The following DHX40 variants were observed in gnomAD, a reference collection of about 807,000 sequenced individuals.
DHX40 encodes probable ATP-dependent RNA helicase DHX40.
Under a neutral mutation model 89.6 loss-of-function variants are expected in DHX40, and 28 were observed. The ratio of observed to expected loss-of-function variants is 0.31; its 90% CI spans 0.23 to 0.43. The LOEUF (loss-of-function observed/expected upper bound fraction) is 0.43. Ranked by LOEUF, DHX40 falls within the 20% of genes least tolerant of loss-of-function variation. DHX40 has a pLI of 1.00. For missense variants in DHX40, 457 were observed against 844.0 expected, an observed-to-expected ratio of 0.54 and a Z score of 5.68; for synonymous variants, 226 against 283.6, an observed-to-expected ratio of 0.80 and a Z score of 2.04.
chr17:59,570,165 A>G (rs1346626813), intron 2 of DHX40, among the ~76,000 whole-genome samples: 1 of 126,150 alleles, frequency 7.9e-6, no homozygotes, highest in Non-Finnish European at 1.6e-5. Context: ...TACATATAAT[A>G]TGTTATATAT....
intron 12 of DHX40, among the ~76,000 whole-genome samples, chr17:59,595,930 C>G (rs535323231): frequency 4.0e-5 from 6 of 151,372 alleles, no homozygotes; most frequent in Admixed American, 2.0e-4. Context: ...TTCTCTTCCT[C>G]GGGGAATTGG....
chr17:59,583,376 ATATCT>A (rs2048961739), intron 10 of DHX40, among the ~76,000 whole-genome samples: 1 of 48,114 alleles, frequency 2.1e-5, no homozygotes, highest in African/African-American at 4.2e-5. Flanking sequence ...TTTCTGGAAA[ATATCT>A]TAATATCTAA....
intron 3 of DHX40, among the ~76,000 whole-genome samples, chr17:59,571,199 T>G (rs1263284927): frequency 6.6e-6 from 1 of 152,190 alleles, no homozygotes; most frequent in Non-Finnish European, 1.5e-5. Flanking sequence ...GGCTCACGTC[T>G]GTAATCCCAT....
rs748052420 is a variant in DHX40 at position 59,607,234 on chromosome 17, C to G, written c.*62C>G. 1.1e-5 allele frequency: 18 copies of G among 1,613,914 alleles called. No individual in the cohort carries two copies. The highest frequency in any genetic ancestry group is 1.5e-5 in the Non-Finnish European group (18 of 1,180,016). On this transcript the variant is annotated 3_prime_UTR_variant, in exon 18 of 18. Transcript: ENST00000251241. ...AGCCAGGAAATGTGCTTCTACTTTG[C>G]CAGTTATTTCAGACAGCACTACCAA...
chr17:59,598,947 A>G (rs1182045200), intron 13 of DHX40, 96 bp downstream of exon 13: 1 of 649,006 alleles, frequency 1.5e-6, no homozygotes, highest in Non-Finnish European at 2.8e-6. Context: ...CGTTCAGTGA[A>G]GATGATATTG....
At chr17:59,588,632 G>A (rs1414262325) in intron 12 of DHX40, among the ~76,000 whole-genome samples, 3 of 151,452 alleles carry the variant, frequency 2.0e-5, no homozygotes, top group Non-Finnish European at 2.9e-5. Context: ...ACGCCCAGCC[G>A]GGTTGTTTTC....
intron 2 of DHX40, among the ~76,000 whole-genome samples, chr17:59,569,887 A>G (rs998862117): frequency 6.9e-5 from 10 of 144,894 alleles, no homozygotes; most frequent in Non-Finnish European, 1.5e-4. Flanking sequence ...CTCTGCTAAA[A>G]TACAAAATTA....
chr17:59,570,654 C>A lies in DHX40; in HGVS notation c.417C>A (p.Cys139Ter). ...GATACCAAGTTCGTTTTGATGATTG[C>A]AGTTCTAAGGTACAAAAGTCTTGTT... ...KVGYQVRFDD[C>*]SSKETAIKYM... The change falls in exon 3 of 18, where the codon TGC (cysteine) becomes TGA (stop). Residue 139 changes from cysteine (C) to a stop codon, truncating the protein, a stop_gained. Transcript: ENST00000251241. LOFTEE classifies it high-confidence loss of function. 1 of 1,607,124 alleles carries A rather than the reference C, an allele frequency of 6.2e-7. No individual in the cohort carries two copies. Among genetic ancestry groups the A allele is most frequent in the Non-Finnish European group, 8.5e-7 (1 of 1,176,694 alleles).
intron 8 of DHX40, among the ~76,000 whole-genome samples, chr17:59,577,725 C>T (rs893644403): frequency 1.3e-5 from 2 of 152,120 alleles, no homozygotes; most frequent in Non-Finnish European, 2.9e-5. Flanking sequence ...GTAGCTGGGA[C>T]CACAGGCATG....
At chr17:59,576,952 C>T (rs1402876963) in intron 7 of DHX40, 1 of 333,582 alleles carries the variant, frequency 3.0e-6, no homozygotes, top group African/African-American at 2.2e-5. Context: ...TCACTGCAAC[C>T]TCTGCCTCCC....
At position 59,587,925 on chromosome 17, in the gene DHX40, C is replaced by G; in HGVS notation, c.1454C>G (p.Ser485Cys). Reference protein sequence around the residue: ...RSGHVTRLGLSMVEFPLPPHL... With the variant: ...RSGHVTRLGLCMVEFPLPPHL... The stretch of plus-strand genomic sequence containing the variant: ...GGCCATGTCACCAGATTGGGTTTGT[C>G]TATGGTGGAGTTTCCTTTGCCTCCA... Residue 485 changes from serine to cysteine, a missense_variant, in exon 12 of 18, where the codon TCT (serine) becomes TGT (cysteine). Ser to Cys is a moderately radical substitution (Grantham distance 112). Around this residue, in one of 9 missense-constraint regions of DHX40, gnomAD observed 19 missense variants for 110.3 expected, o/e 0.17. Transcript: ENST00000251241. The G allele has an allele frequency of 6.2e-7, 1 of 1,613,480 alleles. No homozygotes were observed. Among genetic ancestry groups the G allele is most frequent in the Non-Finnish European group, 8.5e-7 (1 of 1,179,672 alleles).
Position 59,605,526 on chromosome 17 carries a change from A to C in DHX40, c.2052A>C (p.Val684=). ...LVTTKVYARI[V]CPIRYEWVRD... is the part of the protein sequence containing the mutation. ...CCACCAAAGTCTACGCAAGAATTGT[A>C]TGCCCAATCCGTTATGAATGGGTAA... Residue 684 remains valine, a synonymous_variant, in exon 17 of 18, where the codon GTA becomes GTC. Coordinates refer to ENST00000251241, the MANE Select transcript of DHX40 (RefSeq NM_024612.5). The C allele has an allele frequency of 6.2e-7, 1 of 1,614,214 alleles. No individual in the cohort carries two copies. Among genetic ancestry groups the C allele is most frequent in the South Asian group, 1.1e-5 (1 of 91,088 alleles).
chr17:59,579,006 A>ATT (rs1160166800), intron 8 of DHX40, among the ~76,000 whole-genome samples: 2 of 143,126 alleles, frequency 1.4e-5, no homozygotes, highest in African/African-American at 5.0e-5. Context: ...ATATATATAT[A>ATT]TTCCATTGTG....
chr17:59,569,128 C>CAA lies in DHX40; in HGVS notation c.281-1390_281-1389insAA, dbSNP rs1346061343. ...TGGATCACTTGAGGTCAGAAGTTTG[C>CAA]GACCAGCCTGGCCAACATGGTGAAA... On this transcript the variant is annotated intron_variant, in intron 2 of 17. Coordinates refer to ENST00000251241, the MANE Select transcript of DHX40 (RefSeq NM_024612.5). Among the ~76,000 whole-genome samples, 394 of 151,940 alleles carry CAA rather than the reference C, an allele frequency of 2.6e-3. 1 individual carries two copies. Among genetic ancestry groups the CAA allele is most frequent in the African/African-American group, 8.5e-3 (352 of 41,462 alleles).
At chr17:59,588,278 A>G (rs2049030655) in intron 12 of DHX40, among the ~76,000 whole-genome samples, 1 of 150,266 alleles carries the variant, frequency 6.7e-6, no homozygotes, top group Admixed American at 6.6e-5. Context: ...TTTTTAGAGC[A>G]TTTTTAAGTT....
intron 2 of DHX40, among the ~76,000 whole-genome samples, chr17:59,570,222 A>ATATATATTATATAT (rs1567858726): frequency 4.4e-5 from 5 of 114,132 alleles, no homozygotes; most frequent in African/African-American, 2.3e-4. Context: ...TATATATTAA[A>ATATATATTATATAT]TATATATTAG....
chr17:59,607,874 GATGATATATATATAT>G lies in DHX40; in HGVS notation c.*720_*734del, dbSNP rs1297446079. On this transcript the variant is annotated 3_prime_UTR_variant, in exon 18 of 18. Coordinates refer to ENST00000251241, the MANE Select transcript of DHX40 (RefSeq NM_024612.5). ...AGCTATAGCCATTAACCAAAGGACA[GATGATATATATATAT>G]ATGATATATATATATATATAAGTTC... 2.7e-5 allele frequency: 4 copies of G among 150,182 alleles called. No homozygotes were observed. Among genetic ancestry groups the G allele is most frequent in the Non-Finnish European group, 4.4e-5 (3 of 67,640 alleles). 9.3% of individuals were successfully genotyped at this position (150,182 alleles called of 1,614,324 possible). A position where few individuals can be genotyped will look rare whatever the true frequency, so the allele number is the denominator to read the frequency against.
chr17:59,569,236 G>A (rs1331546479), intron 2 of DHX40, among the ~76,000 whole-genome samples: 3 of 152,088 alleles, frequency 2.0e-5, no homozygotes, highest in African/African-American at 7.2e-5. Context: ...GCTGAGGCAG[G>A]AGAATTGCTT....
intron 3 of DHX40, among the ~76,000 whole-genome samples, chr17:59,572,440 G>A (rs1368199426): frequency 1.3e-5 from 2 of 152,138 alleles, no homozygotes; most frequent in African/African-American, 4.8e-5. Flanking sequence ...GTGCAATGGC[G>A]TGATCTCAGC....
Sources: gnomAD v4.1 joint callset for allele counts (sites outside exome capture counted in the v4.1 genomes callset) on GRCh38, gnomAD v4.1.1 for gene constraint, gnomAD v4.1.1 regional missense constraint, MANE v1.5 for transcripts, NCBI Gene and HGNC (gene_info 2026-07-23, HGNC 2026-07-21) for gene names.